The following EPB41L5 variants were observed in gnomAD, a reference collection of about 807,000 sequenced individuals.
EPB41L5 encodes the protein erythrocyte membrane protein band 4.1 like 5.
EPB41L5 carries 55 observed loss-of-function variants against 106.6 expected under a neutral mutation model. The ratio of observed to expected loss-of-function variants is 0.52; its 90% CI spans 0.42 to 0.65. The LOEUF (loss-of-function observed/expected upper bound fraction) is 0.65. EPB41L5 is among the 30% of genes least tolerant of loss of function. The pLI, the probability that EPB41L5 is intolerant of heterozygous loss-of-function variation, is 0.00. For missense variants in EPB41L5, 871 were observed against 882.1 expected (o/e 0.99, Z 0.16); for synonymous variants, 297 against 306.7 (o/e 0.97, Z 0.33).
Position 120,081,428 on chromosome 2 carries a change from G to A in EPB41L5, c.803+2847G>A, listed in dbSNP as rs1357436829. ...AAGATTGGATGGTTGTAGATGTGTG[G>A]TATTATTTCCGAGGGCTCTGTTCTG... On this transcript the variant is annotated intron_variant, in intron 10 of 24. Transcript: ENST00000263713. Among the ~76,000 whole-genome samples, 3 of 152,264 alleles carry A rather than the reference G, an allele frequency of 2.0e-5. No individual in the cohort carries two copies. In the East Asian group the frequency reaches 5.8e-4, roughly 29 times the overall value.
At chr2:120,048,094 T>C (rs1337151921) in intron 3 of EPB41L5, among the ~76,000 whole-genome samples, 2 of 142,116 alleles carry the variant, frequency 1.4e-5, no homozygotes, top group East Asian at 4.1e-4. Flanking sequence ...TGCATTGATG[T>C]TCATCAGGGA....
intron 20 of EPB41L5, among the ~76,000 whole-genome samples, chr2:120,160,234 G>A (rs906143423): frequency 2.6e-5 from 4 of 151,910 alleles, no homozygotes; most frequent in Non-Finnish European, 4.4e-5. Context: ...TATACTTTTC[G>A]GCTTCAAAGT....
chr2:120,073,303 T>C (rs1682007120), intron 4 of EPB41L5, 83 bp downstream of exon 4: 1 of 1,213,886 alleles, frequency 8.2e-7, no homozygotes, highest in African/African-American at 1.5e-5. Flanking sequence ...ATGTAAGAAA[T>C]CATGTTTCAG....
At chr2:120,170,556 T>G (rs1178778488) in intron 24 of EPB41L5, among the ~76,000 whole-genome samples, 2 of 152,248 alleles carry the variant, frequency 1.3e-5, no homozygotes, top group African/African-American at 4.8e-5. Context: ...AGTAGTTCCT[T>G]ACTTTATTCT....
intron 16 of EPB41L5, among the ~76,000 whole-genome samples, chr2:120,126,273 TA>T (rs1217827699): frequency 6.6e-6 from 1 of 152,204 alleles, no homozygotes; most frequent in African/African-American, 2.4e-5. Context: ...TTCATTTTCA[TA>T]ATGGTTCTTT....
chr2:120,081,593 C>T (rs1164146008), intron 10 of EPB41L5, among the ~76,000 whole-genome samples: 1 of 152,166 alleles, frequency 6.6e-6, no homozygotes, highest in South Asian at 2.1e-4. Context: ...GCTATATGGG[C>T]TCTTTTTTGG....
intron 3 of EPB41L5, among the ~76,000 whole-genome samples, chr2:120,051,051 G>C (rs1680236647): frequency 6.6e-6 from 1 of 152,200 alleles, no homozygotes; most frequent in Non-Finnish European, 1.5e-5. Context: ...AGCCTTGTGA[G>C]GTGTCAGTCT....
At chr2:120,062,698 A>G (rs534986811) in intron 3 of EPB41L5, among the ~76,000 whole-genome samples, 1 of 152,328 alleles carries the variant, frequency 6.6e-6, no homozygotes, top group East Asian at 1.9e-4. Flanking sequence ...AGAAATGTAG[A>G]TCTAATTCAT....
chr2:120,013,389 G>T (rs1003339810), intron 1 of EPB41L5, 179 bp downstream of exon 1: 5 of 152,098 alleles, frequency 3.3e-5, no homozygotes, highest in Non-Finnish European at 7.4e-5. Context: ...CATTAATCCC[G>T]CCGGAGGGAG....
At chr2:120,170,850 T>C (rs1687643690) in intron 24 of EPB41L5, among the ~76,000 whole-genome samples, 1 of 152,198 alleles carries the variant, frequency 6.6e-6, no homozygotes, top group Non-Finnish European at 1.5e-5. Context: ...ACCCTTGATG[T>C]GCTAGTGAAT....
intron 3 of EPB41L5, among the ~76,000 whole-genome samples, chr2:120,042,843 A>G (rs1230808016): frequency 6.6e-6 from 1 of 152,104 alleles, no homozygotes; most frequent in Admixed American, 6.6e-5. Context: ...TTGTAGAGAT[A>G]TGTAGGATTT....
intron 10 of EPB41L5, among the ~76,000 whole-genome samples, chr2:120,084,491 T>G (rs1018803246): frequency 1.3e-5 from 2 of 152,186 alleles, no homozygotes; most frequent in African/African-American, 2.4e-5. Context: ...TGCCGAGAGA[T>G]CTGCTGTTAG....
rs1046185621 is a variant in EPB41L5, at chr2:120,094,367, C to T, written c.1178+1091C>T. Among the ~76,000 whole-genome samples, 4 of 151,596 alleles carry T rather than the reference C, an allele frequency of 2.6e-5. No individual in the cohort carries two copies. The Middle Eastern group carries it at 0.01, about 389-fold the overall frequency. On this transcript the variant is annotated intron_variant, in intron 14 of 24. Coordinates refer to ENST00000263713, the MANE Select transcript of EPB41L5 (RefSeq NM_020909.4). ...GTTTTATCTCTTTTATCTGTGGTAT[C>T]TAGTTTGTGGGGATACAGTTTGTAT...
intron 5 of EPB41L5, among the ~76,000 whole-genome samples, chr2:120,074,720 AC>A (rs1293615590): frequency 4.6e-5 from 7 of 152,178 alleles, no homozygotes; most frequent in Non-Finnish European, 1.0e-4. Flanking sequence ...ATATACACAT[AC>A]TATTTATTAA....
In EPB41L5 at chr2:120,135,610, A is replaced by G. The variant is rs542720905; in HGVS notation, c.1599+3895A>G. On this transcript the variant is annotated intron_variant, in intron 18 of 24. Coordinates refer to ENST00000263713, the MANE Select transcript of EPB41L5 (RefSeq NM_020909.4). ...AGAATCCTAAAAGCAGCAAGAGAAA[A>G]GAAACAAACAACATACAAAGGTGCT... Among the ~76,000 whole-genome samples the G allele has an allele frequency of 3.9e-5, 6 of 152,330 alleles. No individual in the cohort carries two copies. The East Asian group carries it at 1.2e-3, about 29-fold the overall frequency.
intron 16 of EPB41L5, among the ~76,000 whole-genome samples, chr2:120,113,842 A>G (rs187877206): frequency 5.6e-4 from 85 of 152,318 alleles, no homozygotes; most frequent in South Asian, 2.1e-4. Flanking sequence ...TTAGTACTTG[A>G]TTCCTTTTAA....
rs1687469364 is a variant in EPB41L5, at chr2:120,167,517, T to C, written c.2004+10T>C. The C allele has an allele frequency of 3.1e-6, 5 of 1,613,406 alleles. No individual in the cohort carries two copies. In the South Asian group the frequency reaches 5.5e-5, roughly 18 times the overall value. On this transcript the variant is annotated intron_variant, in intron 23 of 24. Coordinates refer to ENST00000263713, the MANE Select transcript of EPB41L5 (RefSeq NM_020909.4). Reference sequence around the variant, plus strand: ...CCGGTGGATTGTTCCGGTAAGTTCATGTTATTTGTGATTTTTCTTCTGGCT... The same window carrying C: ...CCGGTGGATTGTTCCGGTAAGTTCACGTTATTTGTGATTTTTCTTCTGGCT...
Position 120,078,508 on chromosome 2 carries a change from G to T in EPB41L5, c.730G>T (p.Asp244Tyr), listed in dbSNP as rs1206192816. ...CTTAAATTAGGCTAGAGATGGGAAT[G>T]ACTATAGTTTGGGACTAACACCAAC... ...MHVVKARDGNDYSLGLTPTGV... is the reference protein window; with the variant it reads ...MHVVKARDGNYYSLGLTPTGV... Residue 244 changes from aspartate to tyrosine, a missense_variant, in exon 10 of 25, where the codon GAC becomes TAC. Coordinates refer to ENST00000263713, the MANE Select transcript of EPB41L5 (RefSeq NM_020909.4). 7 of 1,606,852 alleles carry T rather than the reference G, an allele frequency of 4.4e-6. No individual in the cohort carries two copies. In the South Asian group the frequency reaches 7.8e-5, roughly 18 times the overall value.
At chr2:120,151,967 G>A (rs2105515423) in intron 20 of EPB41L5, among the ~76,000 whole-genome samples, 1 of 152,282 alleles carries the variant, frequency 6.6e-6, no homozygotes, top group South Asian at 2.1e-4. Context: ...TATGGCATCT[G>A]TGAATAGCGA....
Sources: gnomAD v4.1 joint callset for allele counts (sites outside exome capture counted in the v4.1 genomes callset) on GRCh38, gnomAD v4.1.1 for gene constraint, MANE v1.5 for transcripts, NCBI Gene and HGNC (gene_info 2026-07-23, HGNC 2026-07-21) for gene names.